The following ARMC2 variants were observed in gnomAD, a reference collection of about 807,000 sequenced individuals.
ARMC2 encodes the protein armadillo repeat containing 2.
ARMC2 carries 67 observed loss-of-function variants against 90.3 expected under a neutral mutation model. The observed-to-expected ratio is 0.74, with a 90% CI of 0.61 to 0.91. ARMC2 has a LOEUF of 0.91. Ranked by LOEUF, ARMC2 falls within the 40% of genes least tolerant of loss-of-function variation. ARMC2 has a pLI of 0.00. For missense variants in ARMC2, 920 were observed against 1,030.9 expected, an observed-to-expected ratio of 0.89 and a Z score of 1.47; for synonymous variants, 393 against 393.0, an observed-to-expected ratio of 1.00 and a Z score of 0.00.
chr6:108,879,409 A>T (rs1306524965), intron 5 of ARMC2, among the ~76,000 whole-genome samples: 2 of 149,098 alleles, frequency 1.3e-5, no homozygotes, highest in African/African-American at 2.5e-5. Context: ...ATACCCATCT[A>T]CCCATTCATC....
chr6:108,899,989 T>C (rs1048030300), intron 7 of ARMC2, among the ~76,000 whole-genome samples, 197 bp downstream of exon 7: 1 of 152,178 alleles, frequency 6.6e-6, no homozygotes, highest in African/African-American at 2.4e-5. Context: ...CACATAATTT[T>C]TAGTAAGATT....
intron 13 of ARMC2, among the ~76,000 whole-genome samples, chr6:108,955,962 A>C (rs2806358): frequency 0.057 from 8,679 of 152,156 alleles, 312 homozygotes; most frequent in African/African-American, 0.1. Context: ...GCCTCTGTAA[A>C]ATGCCATTAG....
chr6:108,964,481 G>C (rs574084993), intron 16 of ARMC2, among the ~76,000 whole-genome samples, 169 bp downstream of exon 16: 17 of 152,178 alleles, frequency 1.1e-4, no homozygotes, highest in Admixed American at 1.1e-3. Context: ...ACTTAAAATA[G>C]TGCAGAAGTA....
chr6:108,907,450 CT>C (rs1435228104), intron 8 of ARMC2, among the ~76,000 whole-genome samples: 3 of 109,394 alleles, frequency 2.7e-5, no homozygotes, highest in African/African-American at 1.3e-4. Flanking sequence ...CTTCTGTTTT[CT>C]TTCTTTCTTT....
At chr6:108,856,825 A>G (rs1211990383) in intron 2 of ARMC2, 1 of 152,210 alleles carries the variant, frequency 6.6e-6, no homozygotes, top group Non-Finnish European at 1.5e-5. Context: ...TGAAGAAGCT[A>G]TGTTTTCTCC....
the ARMC2 span, among the ~76,000 whole-genome samples, chr6:108,980,867 G>A: frequency 2.0e-5 from 3 of 152,080 alleles, no homozygotes; most frequent in South Asian, 2.1e-4. Context: ...TATAGCCTGG[G>A]CAGCAGCACA....
intron 3 of ARMC2, among the ~76,000 whole-genome samples, chr6:108,862,142 G>A (rs532609454): frequency 2.6e-5 from 4 of 152,054 alleles, no homozygotes; most frequent in East Asian, 1.9e-4. Flanking sequence ...TCATGAGTTC[G>A]AGACCAGCCT....
Position 108,930,126 on chromosome 6 carries a change from T to TAA in ARMC2, c.1496+1906_1496+1907dup, listed in dbSNP as rs548988083. On this transcript the variant is annotated intron_variant, in intron 11 of 17. Transcript: ENST00000392644. ...CTGGGCAACAGAGCAAGACCCTATCTAAAAAAAAAAAAAAGAATCCAAACT... is the reference window on the plus strand; with the variant it reads ...CTGGGCAACAGAGCAAGACCCTATCTAAAAAAAAAAAAAAAAGAATCCAAACT... Among the ~76,000 whole-genome samples the TAA allele has an allele frequency of 4.3e-3, 593 of 139,056 alleles. 2 individuals are homozygous for TAA. Among genetic ancestry groups the TAA allele is most frequent in the African/African-American group, 0.014 (552 of 38,482 alleles). The allele number at this position is 139,056 out of a possible 152,430, so 91.2% of individuals were successfully genotyped here. A position where few individuals can be genotyped will look rare whatever the true frequency, so the allele number is the denominator to read the frequency against.
chr6:108,988,454 G>T, the ARMC2 span: 1 of 1,208,958 alleles, frequency 8.3e-7, no homozygotes, highest in Non-Finnish European at 1.1e-6. Context: ...TAGGGGTGAT[G>T]GAAAGGGTTT....
intron 3 of ARMC2, among the ~76,000 whole-genome samples, 200 bp from the exon 4 acceptor site, chr6:108,868,624 A>C (rs541803135): frequency 6.6e-6 from 1 of 152,330 alleles, no homozygotes; most frequent in East Asian, 1.9e-4. Context: ...TATGATTAAG[A>C]AAAACAATTA....
the ARMC2 span, chr6:108,993,041 A>G: frequency 1.7e-6 from 1 of 590,250 alleles, no homozygotes; most frequent in Non-Finnish European, 3.0e-6. Flanking sequence ...AATTATACAA[A>G]GTAGTTTACT....
At chr6:108,925,653 G>C (rs935848494) in intron 10 of ARMC2, among the ~76,000 whole-genome samples, 2 of 152,198 alleles carry the variant, frequency 1.3e-5, no homozygotes, top group East Asian at 3.8e-4. Context: ...ATATGGCTTG[G>C]AGTAACAGAA....
In ARMC2 at chr6:108,962,014, T is replaced by C. The variant is rs199601231; in HGVS notation, c.2039T>C (p.Leu680Ser). The C allele has an allele frequency of 4.8e-5, 76 of 1,597,150 alleles. No individual in the cohort carries two copies. The highest frequency in any genetic ancestry group is 3.2e-4 in the Admixed American group (18 of 55,496). Residue 680 changes from leucine (L) to serine (S), a missense_variant and splice_region_variant, in exon 15 of 18, where the codon TTG becomes TCG. Coordinates refer to ENST00000392644, the MANE Select transcript of ARMC2 (RefSeq NM_032131.6). ...IQDKKLYIAELLLKLLVSNNM... is the reference protein window; with the variant it reads ...IQDKKLYIAESLLKLLVSNNM... Reference sequence around the variant, plus strand: ...TAATTTCTCTGGTCGCCAAATCCAGTGCTCTTAAAGCTTCTTGTCAGTAAC... The same window carrying C: ...TAATTTCTCTGGTCGCCAAATCCAGCGCTCTTAAAGCTTCTTGTCAGTAAC...
chr6:108,880,681 C>G (rs1777436888), intron 5 of ARMC2, among the ~76,000 whole-genome samples: 1 of 151,520 alleles, frequency 6.6e-6, no homozygotes, highest in Non-Finnish European at 1.5e-5. Context: ...CTTTTTCTTT[C>G]TCCTTCCTTC....
At chr6:108,912,146 A>G (rs1460586827) in intron 9 of ARMC2, among the ~76,000 whole-genome samples, 189 bp from the exon 10 acceptor site, 1 of 152,190 alleles carries the variant, frequency 6.6e-6, no homozygotes, top group Non-Finnish European at 1.5e-5. Flanking sequence ...TGAAATTACT[A>G]TTACAGAGAC....
chr6:108,951,362 A>G (rs973187015), intron 12 of ARMC2, among the ~76,000 whole-genome samples: 3 of 152,102 alleles, frequency 2.0e-5, no homozygotes, highest in Admixed American at 6.5e-5. Context: ...CTAACATTCT[A>G]TTTCCCGGGG....
chr6:108,873,754 A>T (rs1042937943), intron 4 of ARMC2, among the ~76,000 whole-genome samples: 1 of 152,080 alleles, frequency 6.6e-6, no homozygotes, highest in African/African-American at 2.4e-5. Flanking sequence ...TTAACCATTC[A>T]AAATGCTTCT....
chr6:109,018,766 A>AAT, the ARMC2 span, among the ~76,000 whole-genome samples: 2 of 152,198 alleles, frequency 1.3e-5, no homozygotes, highest in Non-Finnish European at 2.9e-5. Flanking sequence ...GAACTATTTA[A>AAT]AAAGTTTTCA....
rs546453281 is a variant in ARMC2 at position 108,948,412 on chromosome 6, A to G, written c.1597-4621A>G. Among the ~76,000 whole-genome samples, 4 of 152,196 alleles carry G rather than the reference A, an allele frequency of 2.6e-5. No individual in the cohort carries two copies. The East Asian group carries it at 7.7e-4, about 29-fold the overall frequency. The stretch of plus-strand genomic sequence containing the variant: ...TCTTCCAGGATCCCTAGGTCCATGT[A>G]GAATATATTTAAGAAGGGAGGGGAA... On this transcript the variant is annotated intron_variant, in intron 12 of 17. Transcript: ENST00000392644.
Sources: allele counts gnomAD v4.1 joint callset (sites outside exome capture counted in the v4.1 genomes callset), GRCh38; gene constraint gnomAD v4.1.1; transcripts MANE v1.5; gene names NCBI Gene and HGNC (gene_info 2026-07-23, HGNC 2026-07-21).